The following ARB2A variants were observed in gnomAD, a reference collection of about 807,000 sequenced individuals.
ARB2A encodes the protein cotranscriptional regulator ARB2A.
At chr5:93,844,048 TA>T in the ARB2A span, among the ~76,000 whole-genome samples, 4 of 138,912 alleles carry the variant, frequency 2.9e-5, no homozygotes, top group African/African-American at 1.1e-4. Flanking sequence ...GAAAGAAAAA[TA>T]AAATTTTAGG....
the ARB2A span, among the ~76,000 whole-genome samples, chr5:94,082,741 G>A: frequency 6.6e-6 from 1 of 151,734 alleles, no homozygotes; most frequent in Non-Finnish European, 1.5e-5. Flanking sequence ...TCTTTATGAA[G>A]TGATAATACT....
chr5:93,985,747 T>C, the ARB2A span, among the ~76,000 whole-genome samples: 1 of 152,096 alleles, frequency 6.6e-6, no homozygotes, highest in Non-Finnish European at 1.5e-5. Flanking sequence ...CAGGCTGGAG[T>C]GCAGTGGCGT....
chr5:93,977,299 C>T, the ARB2A span, among the ~76,000 whole-genome samples: 1 of 151,600 alleles, frequency 6.6e-6, no homozygotes, highest in African/African-American at 2.4e-5. Context: ...TCAAGCCAAA[C>T]CTAAGCAAAA....
chr5:94,020,094 T>G, the ARB2A span, among the ~76,000 whole-genome samples: 4 of 152,120 alleles, frequency 2.6e-5, no homozygotes, highest in Admixed American at 1.3e-4. Context: ...TAAAAAAGGA[T>G]GAGTTCATGT....
chr5:93,986,448 C>G, the ARB2A span, among the ~76,000 whole-genome samples: 1 of 151,558 alleles, frequency 6.6e-6, no homozygotes, highest in Admixed American at 6.6e-5. Flanking sequence ...GGTGGGGGGG[C>G]CCCTCTGCCC....
chr5:93,804,094 TAC>T, the ARB2A span, among the ~76,000 whole-genome samples: 1 of 152,036 alleles, frequency 6.6e-6, no homozygotes, highest in East Asian at 1.9e-4. Context: ...GAAATATATG[TAC>T]ACAGACACCA....
chr5:93,778,953 CAT>C, the ARB2A span, among the ~76,000 whole-genome samples: 3 of 152,118 alleles, frequency 2.0e-5, no homozygotes, highest in Non-Finnish European at 4.4e-5. Flanking sequence ...TATCTAGCCA[CAT>C]GTTTAAGGCT....
the ARB2A span, among the ~76,000 whole-genome samples, chr5:93,911,628 C>CCACACACA: frequency 0.13 from 19,857 of 148,670 alleles, 1,318 homozygotes; most frequent in East Asian, 0.22. Context: ...GCATTAGTCA[C>CCACACACA]CACACACACA....
chr5:94,032,965 G>A, the ARB2A span, among the ~76,000 whole-genome samples: 8 of 152,232 alleles, frequency 5.3e-5, no homozygotes, highest in Middle Eastern at 3.4e-3. Flanking sequence ...CTGTATCATG[G>A]GGGTGGTTCC....
chr5:94,034,013 C>T, the ARB2A span, among the ~76,000 whole-genome samples: 1 of 152,166 alleles, frequency 6.6e-6, no homozygotes, highest in South Asian at 2.1e-4. Flanking sequence ...TTGTGTTTTA[C>T]ACTTTTGGAA....
chr5:93,874,974 G>A, the ARB2A span, among the ~76,000 whole-genome samples: 1 of 152,124 alleles, frequency 6.6e-6, no homozygotes, highest in Non-Finnish European at 1.5e-5. Context: ...TGCTATGTTT[G>A]CTTTACACAT....
At chr5:93,676,884 G>A in the ARB2A span, among the ~76,000 whole-genome samples, 1 of 152,148 alleles carries the variant, frequency 6.6e-6, no homozygotes, top group Non-Finnish European at 1.5e-5. Flanking sequence ...CTTGTCGGGT[G>A]AAGGAAATGA....
At chr5:93,996,926 CTCAA>C in the ARB2A span, among the ~76,000 whole-genome samples, 1 of 151,970 alleles carries the variant, frequency 6.6e-6, no homozygotes. Context: ...AGGTAGTTGG[CTCAA>C]TCAACAAATA....
the ARB2A span, among the ~76,000 whole-genome samples, chr5:93,955,552 A>G: frequency 6.6e-6 from 1 of 152,248 alleles, no homozygotes; most frequent in African/African-American, 2.4e-5. Context: ...AGTAATCAGA[A>G]ATTATTAAAA....
the ARB2A span, among the ~76,000 whole-genome samples, chr5:93,702,363 T>C: frequency 6.6e-6 from 1 of 152,104 alleles, no homozygotes; most frequent in Admixed American, 6.6e-5. Context: ...ATATAAAACA[T>C]ACCACTGGGC....
the ARB2A span, among the ~76,000 whole-genome samples, chr5:93,903,102 A>T: frequency 1.3e-5 from 2 of 151,986 alleles, no homozygotes; most frequent in Non-Finnish European, 2.9e-5. Flanking sequence ...TGTCCAAAGC[A>T]CCTCCTGGCA....
At chr5:93,849,662 C>T in the ARB2A span, among the ~76,000 whole-genome samples, 1 of 152,034 alleles carries the variant, frequency 6.6e-6, no homozygotes, top group African/African-American at 2.4e-5. Flanking sequence ...AGTAATAGAT[C>T]AGATAGTATT....
At chr5:93,958,208 A>G in the ARB2A span, among the ~76,000 whole-genome samples, 1 of 152,060 alleles carries the variant, frequency 6.6e-6, no homozygotes, top group Non-Finnish European at 1.5e-5. Flanking sequence ...TAAACATTAC[A>G]TTTTGCCATT....
chr5:93,623,202 A>T, the ARB2A span, among the ~76,000 whole-genome samples: 7 of 151,818 alleles, frequency 4.6e-5, no homozygotes, highest in African/African-American at 1.7e-4. Flanking sequence ...ATTTTGAAAG[A>T]CCATTCTCAG....
Sources: gnomAD v4.1 joint callset for allele counts (sites outside exome capture counted in the v4.1 genomes callset) on GRCh38, gnomAD v4.1.1 for gene constraint, MANE v1.5 for transcripts, NCBI Gene and HGNC (gene_info 2026-07-23, HGNC 2026-07-21) for gene names.